Variants in DMRT1 observed in about 807,000 individuals in gnomAD.
DMRT1 encodes doublesex and mab-3 related transcription factor 1.
In DMRT1, 7 loss-of-function variants were observed where a neutral mutation model predicts 32.3. The observed-to-expected ratio is 0.22, with a 90% CI of 0.12 to 0.41. The LOEUF is 0.41. Ranked by LOEUF, DMRT1 falls within the 10% of genes least tolerant of loss-of-function variation. The probability of loss-of-function intolerance (pLI) is 1.00; values close to 1 mark genes in which losing one functional copy is unlikely to be tolerated. For missense variants in DMRT1, 625 were observed against 500.5 expected, an observed-to-expected ratio of 1.25 and a Z score of -2.37; for synonymous variants, 278 against 206.1, an observed-to-expected ratio of 1.35 and a Z score of -2.99.
intron 4 of DMRT1, among the ~76,000 whole-genome samples, chr9:930,543 G>C (rs1156850278): frequency 6.6e-6 from 1 of 151,992 alleles, no homozygotes; most frequent in Non-Finnish European, 1.5e-5. Context: ...TGAGTAGCTG[G>C]GGCTACAGGC....
At chr9:888,231 A>G (rs1211028399) in intron 2 of DMRT1, among the ~76,000 whole-genome samples, 2 of 152,204 alleles carry the variant, frequency 1.3e-5, no homozygotes, top group African/African-American at 4.8e-5. Context: ...ATACACACAC[A>G]GTACATACAG....
At chr9:869,352 A>C (rs1020297862) in intron 2 of DMRT1, among the ~76,000 whole-genome samples, 1 of 152,222 alleles carries the variant, frequency 6.6e-6, no homozygotes, top group Non-Finnish European at 1.5e-5. Flanking sequence ...TGCATTGTGA[A>C]TACAAAGGTG....
In DMRT1 at chr9:850,546, A is replaced by T. The variant is rs571141584; in HGVS notation, c.538+3403A>T. Among the ~76,000 whole-genome samples the T allele has an allele frequency of 1.4e-4, 22 of 152,364 alleles. No individual in the cohort carries two copies. In the South Asian group the frequency reaches 3.7e-3, roughly 26 times the overall value. ...CATTGTTCTTCTAACCCCAACCTGC[A>T]GGTCTGTTTGTCATTCCAGGATGAT... On this transcript the variant is annotated intron_variant, in intron 2 of 4. Transcript: ENST00000382276.
chr9:864,521 C>A (rs1359873339), intron 2 of DMRT1, among the ~76,000 whole-genome samples: 5 of 74,212 alleles, frequency 6.7e-5, no homozygotes, highest in African/African-American at 2.4e-4. Flanking sequence ...TTTTTTGAGA[C>A]GGAGTCTTGC....
chr9:861,629 A>AC (rs1232239453), intron 2 of DMRT1, among the ~76,000 whole-genome samples: 13 of 148,316 alleles, frequency 8.8e-5, no homozygotes, highest in African/African-American at 3.1e-4. Flanking sequence ...CACTTCCCAG[A>AC]AGGGGCAGCG....
intron 2 of DMRT1, among the ~76,000 whole-genome samples, chr9:887,676 T>G (rs1564225422): frequency 6.6e-6 from 1 of 152,170 alleles, no homozygotes; most frequent in East Asian, 1.9e-4. Flanking sequence ...TTTGAGTGTT[T>G]ACCCACTGTC....
chr9:883,914 G>T (rs1816828968), intron 2 of DMRT1, among the ~76,000 whole-genome samples: 1 of 152,056 alleles, frequency 6.6e-6, no homozygotes, highest in African/African-American at 2.4e-5. Flanking sequence ...TTGCCTGACT[G>T]GTATGTAACT....
chr9:847,325 C>A (rs919307413), intron 2 of DMRT1, among the ~76,000 whole-genome samples, 182 bp downstream of exon 2: 1 of 152,166 alleles, frequency 6.6e-6, no homozygotes, highest in Non-Finnish European at 1.5e-5. Flanking sequence ...GCCGTGAATT[C>A]TAGAAATGCA....
intron 2 of DMRT1, among the ~76,000 whole-genome samples, chr9:871,196 C>T (rs1353811457): frequency 2.0e-5 from 3 of 151,214 alleles, no homozygotes; most frequent in East Asian, 2.0e-4. Flanking sequence ...CCACCATGCC[C>T]GGCTAATTTT....
intron 3 of DMRT1, among the ~76,000 whole-genome samples, chr9:912,221 T>C (rs181042262): frequency 4.6e-5 from 7 of 152,290 alleles, no homozygotes; most frequent in African/African-American, 7.2e-5. Flanking sequence ...TGAGAACAGA[T>C]TGGGGCAACC....
intron 4 of DMRT1, among the ~76,000 whole-genome samples, chr9:956,812 C>G (rs984879167): frequency 4.6e-5 from 7 of 152,176 alleles, no homozygotes; most frequent in African/African-American, 1.7e-4. Context: ...TGACCCAGTA[C>G]CAACAGGCCC....
chr9:888,837 A>G (rs987905649), intron 2 of DMRT1, among the ~76,000 whole-genome samples: 4 of 152,058 alleles, frequency 2.6e-5, no homozygotes, highest in African/African-American at 9.7e-5. Context: ...GCACATCAGA[A>G]TCTCCTGGGC....
At chr9:930,647 A>G (rs916608732) in intron 4 of DMRT1, among the ~76,000 whole-genome samples, 1 of 152,002 alleles carries the variant, frequency 6.6e-6, no homozygotes, top group South Asian at 2.1e-4. Context: ...TGACCTCGTG[A>G]TCTGCCTGCC....
intron 2 of DMRT1, among the ~76,000 whole-genome samples, chr9:876,495 A>G (rs962568682): frequency 1.3e-5 from 2 of 151,284 alleles, no homozygotes; most frequent in East Asian, 3.9e-4. Context: ...ATTCTTTTCC[A>G]GGAAACTGCT....
At chr9:958,239 A>G (rs1425901272) in intron 4 of DMRT1, among the ~76,000 whole-genome samples, 2 of 152,164 alleles carry the variant, frequency 1.3e-5, no homozygotes, top group African/African-American at 4.8e-5. Context: ...GCAATCCTCT[A>G]CCGTGCTACT....
intron 3 of DMRT1, among the ~76,000 whole-genome samples, chr9:912,115 T>C (rs1346701861): frequency 6.6e-6 from 1 of 152,224 alleles, no homozygotes; most frequent in Non-Finnish European, 1.5e-5. Context: ...GCACCTTCTC[T>C]TCTTCACAAG....
chr9:885,370 G>T (rs1207863003), intron 2 of DMRT1, among the ~76,000 whole-genome samples: 1 of 152,220 alleles, frequency 6.6e-6, no homozygotes, highest in Non-Finnish European at 1.5e-5. Context: ...TGGAGAATGA[G>T]TGTAAGGTTT....
chr9:915,425 A>T (rs1220240135), intron 3 of DMRT1, among the ~76,000 whole-genome samples: 1 of 152,186 alleles, frequency 6.6e-6, no homozygotes, highest in East Asian at 1.9e-4. Context: ...TCTTATATAA[A>T]AGCTATCTCA....
chr9:953,754 G>A (rs1008055498), intron 4 of DMRT1, among the ~76,000 whole-genome samples: 46 of 152,196 alleles, frequency 3.0e-4, no homozygotes, highest in African/African-American at 1.1e-3. Flanking sequence ...TGCTGATCAC[G>A]ATTGGTCTAG....
Sources: allele counts gnomAD v4.1 joint callset (sites outside exome capture counted in the v4.1 genomes callset), GRCh38; gene constraint gnomAD v4.1.1; transcripts MANE v1.5; gene names NCBI Gene and HGNC (gene_info 2026-07-23, HGNC 2026-07-21).